The following LRRC1 variants were observed in gnomAD, a reference collection of about 807,000 sequenced individuals.
LRRC1 encodes the protein leucine rich repeat containing 1, also known as leucine-rich repeat-containing protein 1.
A neutral mutation model predicts 69.9 loss-of-function variants in LRRC1; 28 were observed. That is an observed-to-expected ratio of 0.40 (90% CI 0.30 to 0.55). LRRC1 has a LOEUF of 0.55. Ranked by LOEUF, LRRC1 falls within the 20% of genes least tolerant of loss-of-function variation. The pLI, the probability that LRRC1 is intolerant of heterozygous loss-of-function variation, is 0.47. For missense variants in LRRC1, 498 were observed against 609.0 expected, an observed-to-expected ratio of 0.82 and a Z score of 1.92; for synonymous variants, 236 against 240.2, an observed-to-expected ratio of 0.98 and a Z score of 0.16.
At chr6:53,884,644 C>G (rs998235690) in intron 4 of LRRC1, among the ~76,000 whole-genome samples, 1 of 152,134 alleles carries the variant, frequency 6.6e-6, no homozygotes, top group African/African-American at 2.4e-5. Flanking sequence ...CATTCTTAGT[C>G]TGCAGCTGCC....
intron 3 of LRRC1, among the ~76,000 whole-genome samples, chr6:53,879,667 T>G (rs1326337943): frequency 6.6e-6 from 1 of 151,718 alleles, no homozygotes; most frequent in Non-Finnish European, 1.5e-5. Context: ...CATATCAACA[T>G]CACTATTTCC....
chr6:53,853,506 AACTC>A (rs1463569384), intron 2 of LRRC1, among the ~76,000 whole-genome samples: 2 of 152,064 alleles, frequency 1.3e-5, no homozygotes, highest in Admixed American at 6.5e-5. Context: ...GCTGGTCTTC[AACTC>A]CTGACCTCAG....
intron 4 of LRRC1, among the ~76,000 whole-genome samples, chr6:53,892,784 T>G (rs1454482554): frequency 2.0e-5 from 3 of 152,210 alleles, no homozygotes; most frequent in Admixed American, 2.0e-4. Flanking sequence ...GCTGGTTGGG[T>G]TCTACATTTT....
intron 1 of LRRC1, among the ~76,000 whole-genome samples, chr6:53,796,604 A>G (rs1274484796): frequency 6.6e-6 from 1 of 152,248 alleles, no homozygotes; most frequent in Non-Finnish European, 1.5e-5. Flanking sequence ...CATTTAAACA[A>G]TAAGAACTGT....
At chr6:53,854,264 G>A (rs918173771) in intron 2 of LRRC1, among the ~76,000 whole-genome samples, 34 of 152,194 alleles carry the variant, frequency 2.2e-4, no homozygotes, top group Admixed American at 7.2e-4. Flanking sequence ...TATCAATGAA[G>A]TGAGTTAAAT....
intron 11 of LRRC1, among the ~76,000 whole-genome samples, chr6:53,914,331 A>T (rs1431610124): frequency 6.6e-6 from 1 of 152,146 alleles, no homozygotes; most frequent in Non-Finnish European, 1.5e-5. Flanking sequence ...TGGGCTTCAG[A>T]GTTTCCTCAC....
chr6:53,816,124 C>T lies in LRRC1; in HGVS notation c.159+20709C>T, dbSNP rs1036254698. Among the ~76,000 whole-genome samples, 5 of 152,276 alleles carry T rather than the reference C, an allele frequency of 3.3e-5. No individual in the cohort carries two copies. In the South Asian group the frequency reaches 8.3e-4, roughly 25 times the overall value. Reference sequence around the variant, plus strand: ...GCATGAAGGTGTGTCTAATGTAATTCCAGTTTCAGAGGCACTTTTTAAAAA... The same window carrying T: ...GCATGAAGGTGTGTCTAATGTAATTTCAGTTTCAGAGGCACTTTTTAAAAA... On this transcript the variant is annotated intron_variant, in intron 1 of 13. Transcript: ENST00000370888.
intron 1 of LRRC1, among the ~76,000 whole-genome samples, chr6:53,837,152 G>T (rs1765635207): frequency 6.6e-6 from 1 of 151,416 alleles, no homozygotes. Flanking sequence ...TAGTTTTGGG[G>T]TATTATAAAT....
Position 53,905,877 on chromosome 6 carries a change from C to A in LRRC1, c.990+1415C>A, listed in dbSNP as rs571300762. ...TGTAAGACTTCAGTCTGTTTCTCAGCAAAACTGGGACTCAACTAAGAGATT... is the reference window on the plus strand; with the variant it reads ...TGTAAGACTTCAGTCTGTTTCTCAGAAAAACTGGGACTCAACTAAGAGATT... On this transcript the variant is annotated intron_variant, in intron 10 of 13. Transcript: ENST00000370888. Among the ~76,000 whole-genome samples the A allele has an allele frequency of 3.3e-5, 5 of 152,238 alleles. No homozygotes were observed. The South Asian group carries it at 1.0e-3, about 32-fold the overall frequency.
At position 53,867,503 on chromosome 6, in the gene LRRC1, T is replaced by A. The variant is rs188844177; in HGVS notation, c.278-11490T>A. Among the ~76,000 whole-genome samples, 563 of 152,318 alleles carry A rather than the reference T, an allele frequency of 3.7e-3. 4 individuals carry two copies. The highest frequency in any genetic ancestry group is 4.5e-3 in the Admixed American group (69 of 15,306). On this transcript the variant is annotated intron_variant, in intron 2 of 13. Transcript: ENST00000370888. ...ATGATAGCTTAGAGTGGGGTCAGAA[T>A]TAAAGGTTAGCTTAAGAAAGTTGTA...
chr6:53,855,545 C>T (rs1216994575), intron 2 of LRRC1, among the ~76,000 whole-genome samples: 2 of 152,146 alleles, frequency 1.3e-5, no homozygotes, highest in African/African-American at 4.8e-5. Context: ...GCAAGCACCT[C>T]GGGGACCTGA....
intron 2 of LRRC1, among the ~76,000 whole-genome samples, chr6:53,872,260 T>A (rs1168483110): frequency 2.0e-5 from 3 of 152,168 alleles, no homozygotes; most frequent in South Asian, 2.1e-4. Flanking sequence ...TTCTGTTTTT[T>A]AAAAAAAATT....
rs190477528 is a variant in LRRC1 at position 53,831,885 on chromosome 6, G to A, written c.160-10225G>A. Among the ~76,000 whole-genome samples, 3 of 152,266 alleles carry A rather than the reference G, an allele frequency of 2.0e-5. No individual in the cohort carries two copies. The East Asian group carries it at 5.8e-4, about 29-fold the overall frequency. ...AAGGAGATTAAAAACATTAACTAAG[G>A]TATTCTCTCATGGATAATAGGTAAT... On this transcript the variant is annotated intron_variant, in intron 1 of 13. Transcript: ENST00000370888.
intron 1 of LRRC1, among the ~76,000 whole-genome samples, chr6:53,836,241 GAGC>G (rs1765609861): frequency 6.6e-6 from 1 of 152,176 alleles, no homozygotes; most frequent in African/African-American, 2.4e-5. Context: ...GTCCAGATGA[GAGC>G]AGCAGCGGAA....
chr6:53,908,705 G>T (rs1205028950), intron 10 of LRRC1, among the ~76,000 whole-genome samples: 1 of 152,060 alleles, frequency 6.6e-6, no homozygotes, highest in East Asian at 1.9e-4. Flanking sequence ...CTTGAAAGGG[G>T]GCAGGGAGAC....
chr6:53,810,169 G>T (rs918011418), intron 1 of LRRC1, among the ~76,000 whole-genome samples: 4 of 152,208 alleles, frequency 2.6e-5, no homozygotes, highest in African/African-American at 9.6e-5. Flanking sequence ...GACAGTGAGA[G>T]CCTGCCTGAT....
chr6:53,868,234 T>G (rs902338779), intron 2 of LRRC1, among the ~76,000 whole-genome samples: 2 of 151,796 alleles, frequency 1.3e-5, no homozygotes, highest in Admixed American at 1.3e-4. Context: ...TTTTTTTTTT[T>G]TTTTTGAGAC....
At position 53,896,840 on chromosome 6, in the gene LRRC1, A is replaced by G; in HGVS notation, c.515A>G (p.Gln172Arg). The G allele has an allele frequency of 1.2e-6, 2 of 1,601,266 alleles. No homozygotes were observed. The highest frequency in any genetic ancestry group is 1.7e-6 in the Non-Finnish European group (2 of 1,168,702). The change falls in exon 6 of 14, where the codon CAG (glutamine) becomes CGG (arginine). Residue 172 changes from glutamine to arginine, a missense_variant. Gln to Arg is a conservative substitution (Grantham distance 43). Transcript: ENST00000370888. The part of the protein sequence containing the change: ...LLTYLPDSLT[Q>R]LRRLEELDLG... Reference sequence around the variant, plus strand: ...ATTTTTTAAAATAGCTCTCTTACCCAGCTGCGAAGACTAGAAGAACTTGAT... The same window carrying G: ...ATTTTTTAAAATAGCTCTCTTACCCGGCTGCGAAGACTAGAAGAACTTGAT...
At chr6:53,869,056 C>T (rs73430297) in intron 2 of LRRC1, among the ~76,000 whole-genome samples, 2,553 of 152,148 alleles carry the variant, frequency 0.017, 77 homozygotes, top group African/African-American at 0.059. Context: ...AGTAGTTTAC[C>T]CAGGGGCGCA....
Sources: allele counts gnomAD v4.1 joint callset (sites outside exome capture counted in the v4.1 genomes callset), GRCh38; gene constraint gnomAD v4.1.1; transcripts MANE v1.5; gene names NCBI Gene and HGNC (gene_info 2026-07-23, HGNC 2026-07-21).